Variants in CCDC195 observed in about 807,000 individuals in gnomAD.
The protein encoded by CCDC195 is coiled-coil domain containing 195.
intron 2 of CCDC195, among the ~76,000 whole-genome samples, chr2:224,704,912 A>C (rs1448651165): frequency 6.6e-6 from 1 of 152,108 alleles, no homozygotes; most frequent in African/African-American, 2.4e-5. Context: ...ATGAGCCACC[A>C]TTCCCAGCCA....
At chr2:224,703,766 A>G (rs1477713491) in exon 3 of CCDC195, 2 of 398,396 alleles carry the variant, frequency 5.0e-6, no homozygotes, top group Non-Finnish European at 8.8e-6. Flanking sequence ...CACATATCCT[A>G]TTCTGCAATG....
At chr2:224,704,844 A>G (rs1697223064) in intron 2 of CCDC195, among the ~76,000 whole-genome samples, 1 of 150,798 alleles carries the variant, frequency 6.6e-6, no homozygotes, top group African/African-American at 2.4e-5. Flanking sequence ...CTCGTCTTGA[A>G]CTCTTGACTT....
intron 2 of CCDC195, among the ~76,000 whole-genome samples, chr2:224,708,550 T>C (rs1223352348): frequency 6.6e-6 from 1 of 152,218 alleles, no homozygotes; most frequent in Non-Finnish European, 1.5e-5. Context: ...GCTCCTATGA[T>C]AGAACCTTCT....
At chr2:224,715,807 T>A (rs768456621) in intron 1 of CCDC195, among the ~76,000 whole-genome samples, 2 of 152,206 alleles carry the variant, frequency 1.3e-5, no homozygotes, top group Non-Finnish European at 2.9e-5. Context: ...ACATTCAATG[T>A]GCTATTATGC....
chr2:224,707,004 T>A (rs774770866), intron 2 of CCDC195, among the ~76,000 whole-genome samples: 1 of 152,054 alleles, frequency 6.6e-6, no homozygotes, highest in African/African-American at 2.4e-5. Flanking sequence ...AACCCAATGA[T>A]TGAGTATTCA....
At chr2:224,711,361 G>GTTTT (rs563860657) in intron 1 of CCDC195, among the ~76,000 whole-genome samples, 2,966 of 138,040 alleles carry the variant, frequency 0.021, 97 homozygotes, top group African/African-American at 0.071. Context: ...AATCTTCCCT[G>GTTTT]TTTTTTTTTT....
At chr2:224,706,189 C>CTTTTTTTTTTTTATTTTTTT (rs1697238320) in intron 2 of CCDC195, among the ~76,000 whole-genome samples, 1 of 33,340 alleles carries the variant, frequency 3.0e-5, no homozygotes, top group Non-Finnish European at 4.7e-5. Flanking sequence ...TATTTTGTAA[C>CTTTTTTTTTTTTATTTTTTT]TTTTTTTTTT....
intron 2 of CCDC195, among the ~76,000 whole-genome samples, chr2:224,706,564 G>A (rs1442784673): frequency 7.0e-6 from 1 of 142,726 alleles, no homozygotes; most frequent in East Asian, 2.1e-4. Context: ...AGGCTGGAGT[G>A]CAATGGCGTG....
exon 3 of CCDC195, chr2:224,703,886 C>A (rs1697207744): frequency 5.0e-6 from 2 of 398,480 alleles, no homozygotes; most frequent in Non-Finnish European, 8.8e-6. Context: ...TTTGTCTTGT[C>A]CCTACAGGAA....
intron 2 of CCDC195, among the ~76,000 whole-genome samples, chr2:224,709,524 A>T (rs10205549): frequency 0.15 from 22,956 of 152,214 alleles, 2,016 homozygotes; most frequent in East Asian, 0.27. Context: ...CCACTAAGGC[A>T]CCTGCCTCCA....
At chr2:224,714,979 A>G (rs1167824190) in intron 1 of CCDC195, among the ~76,000 whole-genome samples, 1 of 151,628 alleles carries the variant, frequency 6.6e-6, no homozygotes, top group Non-Finnish European at 1.5e-5. Context: ...GCCAGGCTGG[A>G]GTGCAGTGGC....
At chr2:224,704,771 C>T (rs926957981) in intron 2 of CCDC195, among the ~76,000 whole-genome samples, 2 of 151,930 alleles carry the variant, frequency 1.3e-5, no homozygotes, top group African/African-American at 2.4e-5. Context: ...TACAGGTGCA[C>T]GTCACCATGC....
chr2:224,705,437 C>G (rs1697229707), intron 2 of CCDC195, among the ~76,000 whole-genome samples: 1 of 152,052 alleles, frequency 6.6e-6, no homozygotes, highest in South Asian at 2.1e-4. Context: ...AGCTTTGATT[C>G]TTAGAAATAT....
intron 2 of CCDC195, among the ~76,000 whole-genome samples, chr2:224,704,810 C>T (rs147041196): frequency 5.9e-5 from 9 of 152,006 alleles, no homozygotes; most frequent in South Asian, 2.1e-4. Context: ...TTAGTAGAGA[C>T]GAGTTTTCGC....
chr2:224,710,364 CT>C (rs1303810869), intron 1 of CCDC195, 145 bp from the exon 2 acceptor site: 1 of 391,720 alleles, frequency 2.6e-6, no homozygotes, highest in African/African-American at 2.1e-5. Flanking sequence ...TCCATTTGGC[CT>C]GGCGCGGTGG....
At chr2:224,705,249 T>C (rs763507781) in intron 2 of CCDC195, among the ~76,000 whole-genome samples, 6 of 152,186 alleles carry the variant, frequency 3.9e-5, no homozygotes, top group Admixed American at 6.5e-5. Flanking sequence ...TTGTAATGAA[T>C]CTGGTTTACC....
At chr2:224,711,642 C>G (rs747666463) in intron 1 of CCDC195, among the ~76,000 whole-genome samples, 1 of 152,060 alleles carries the variant, frequency 6.6e-6, no homozygotes, top group Non-Finnish European at 1.5e-5. Context: ...TGCAGCTTTG[C>G]CATGAACGAG....
At chr2:224,708,640 G>C (rs927794972) in intron 2 of CCDC195, among the ~76,000 whole-genome samples, 1 of 152,182 alleles carries the variant, frequency 6.6e-6, no homozygotes, top group African/African-American at 2.4e-5. Flanking sequence ...CATCCTGTGG[G>C]AAGTCCAGTG....
chr2:224,704,821 C>T (rs1393274367), intron 2 of CCDC195, among the ~76,000 whole-genome samples: 1 of 152,100 alleles, frequency 6.6e-6, no homozygotes, highest in Non-Finnish European at 1.5e-5. Flanking sequence ...GAGTTTTCGC[C>T]ATGTTGGCCA....
Sources: gnomAD v4.1 joint callset for allele counts (sites outside exome capture counted in the v4.1 genomes callset) on GRCh38, gnomAD v4.1.1 for gene constraint, MANE v1.5 for transcripts, NCBI Gene and HGNC (gene_info 2026-07-23, HGNC 2026-07-21) for gene names.